NCAM1: variants seen among roughly 807,000 people sequenced by gnomAD.
The protein encoded by NCAM1 is antigen recognized by monoclonal antibody 5.1H11.
A neutral mutation model predicts 109.8 loss-of-function variants in NCAM1; 14 were observed. The ratio of observed to expected loss-of-function variants is 0.13; its 90% CI spans 0.08 to 0.20. The LOEUF (loss-of-function observed/expected upper bound fraction) is 0.20, where lower values mean the gene tolerates loss of function less well. Among genes scored for constraint, NCAM1 ranks in the 10% least tolerant of loss-of-function variants. NCAM1 has a pLI of 1.00. For synonymous variants in NCAM1, 418 were observed against 442.9 expected (o/e 0.94, Z 0.70); for missense variants, 774 against 1,109.9 (o/e 0.70, Z 4.30).
chr11:113,248,081 G>A (rs1945553734), intron 15 of NCAM1, among the ~76,000 whole-genome samples: 1 of 152,090 alleles, frequency 6.6e-6, no homozygotes, highest in Non-Finnish European at 1.5e-5. Context: ...ATGTTAATAA[G>A]GTAGACACTA....
At chr11:113,234,367 T>C (rs1213649756) in intron 13 of NCAM1, among the ~76,000 whole-genome samples, 1 of 152,138 alleles carries the variant, frequency 6.6e-6, no homozygotes, top group Non-Finnish European at 1.5e-5. Flanking sequence ...CATTAAGTTG[T>C]AACCATCACC....
chr11:113,177,086 G>A (rs1348280783), intron 1 of NCAM1, among the ~76,000 whole-genome samples: 1 of 152,224 alleles, frequency 6.6e-6, no homozygotes, highest in African/African-American at 2.4e-5. Flanking sequence ...TCATTGGCAA[G>A]ATCACAAAAT....
chr11:113,048,553 C>T (rs1953350010), intron 1 of NCAM1, among the ~76,000 whole-genome samples: 1 of 152,212 alleles, frequency 6.6e-6, no homozygotes, highest in Non-Finnish European at 1.5e-5. Flanking sequence ...ATGATCCATC[C>T]ATCTTGCGAG....
At chr11:113,020,133 G>A (rs1473429662) in intron 1 of NCAM1, among the ~76,000 whole-genome samples, 9 of 152,144 alleles carry the variant, frequency 5.9e-5, no homozygotes, top group Non-Finnish European at 1.2e-4. Context: ...TTACTTGTTC[G>A]CTGGTCCCTC....
In NCAM1 at chr11:113,277,294, G is replaced by T; in HGVS notation, c.*1907G>T. 1 of 399,032 alleles carries T rather than the reference G, an allele frequency of 2.5e-6. No homozygotes were observed. The highest frequency in any genetic ancestry group is 4.4e-6 in the Non-Finnish European group (1 of 226,068). 24.7% of individuals were successfully genotyped at this position (399,032 alleles called of 1,614,324 possible). A position where few individuals can be genotyped will look rare whatever the true frequency, so the allele number is the denominator to read the frequency against. On this transcript the variant is annotated 3_prime_UTR_variant, in exon 20 of 20. Transcript: ENST00000316851. Reference sequence around the variant, plus strand: ...ATGCTAGATTATAATTTCAAACTGTGAAGAATAATGGTCTTGTCATTTGCT... The same window carrying T: ...ATGCTAGATTATAATTTCAAACTGTTAAGAATAATGGTCTTGTCATTTGCT...
chr11:112,994,282 T>C (rs2134870827), intron 1 of NCAM1, among the ~76,000 whole-genome samples: 1 of 152,330 alleles, frequency 6.6e-6, no homozygotes, highest in African/African-American at 2.4e-5. Context: ...AATTTCCACA[T>C]TGTAACTGGA....
chr11:113,046,450 T>G (rs1953269386), intron 1 of NCAM1, among the ~76,000 whole-genome samples: 1 of 152,238 alleles, frequency 6.6e-6, no homozygotes, highest in Non-Finnish European at 1.5e-5. Flanking sequence ...TTCCCCTTTA[T>G]GTTTACAGAC....
intron 1 of NCAM1, among the ~76,000 whole-genome samples, chr11:113,093,239 C>G (rs1237610406): frequency 6.6e-6 from 1 of 152,132 alleles, no homozygotes; most frequent in Non-Finnish European, 1.5e-5. Flanking sequence ...GCCGTAAGGT[C>G]AAGCAGCCAG....
chr11:113,041,588 C>T lies in NCAM1; in HGVS notation c.52+79924C>T, dbSNP rs191934363. Among the ~76,000 whole-genome samples the T allele has an allele frequency of 3.6e-3, 543 of 152,266 alleles. 1 individual carries two copies. Among genetic ancestry groups the T allele is most frequent in the Non-Finnish European group, 4.1e-3 (276 of 68,028 alleles). On this transcript the variant is annotated intron_variant, in intron 1 of 19. Transcript: ENST00000316851. ...CAACTTGATGCGAACCAATGGTAGACCCGCTCATCAGGGTGTAATAGGAAC... is the reference window on the plus strand; with the variant it reads ...CAACTTGATGCGAACCAATGGTAGATCCGCTCATCAGGGTGTAATAGGAAC...
At chr11:113,000,848 A>G (rs1555072298) in intron 1 of NCAM1, among the ~76,000 whole-genome samples, 1 of 5,602 alleles carries the variant, frequency 1.8e-4, no homozygotes. Flanking sequence ...ATATATATAT[A>G]CACAAAAAAT....
intron 1 of NCAM1, among the ~76,000 whole-genome samples, chr11:112,990,972 T>C (rs1329641629): frequency 6.6e-6 from 1 of 152,196 alleles, no homozygotes; most frequent in Admixed American, 6.5e-5. Context: ...ACTTTTGCTG[T>C]AGAGGGCTCT....
intron 1 of NCAM1, among the ~76,000 whole-genome samples, chr11:112,977,082 G>C (rs1030143084): frequency 6.8e-6 from 1 of 147,900 alleles, no homozygotes; most frequent in Admixed American, 6.8e-5. Flanking sequence ...CCTAACAGCT[G>C]TATCAGATAA....
At chr11:113,239,892 C>T (rs936532969) in intron 14 of NCAM1, among the ~76,000 whole-genome samples, 4 of 152,144 alleles carry the variant, frequency 2.6e-5, no homozygotes, top group Non-Finnish European at 4.4e-5. Flanking sequence ...AAGGCAGTGG[C>T]GGAGATACAC....
intron 1 of NCAM1, among the ~76,000 whole-genome samples, chr11:113,187,887 C>T (rs1555109157): frequency 6.6e-6 from 1 of 152,186 alleles, no homozygotes; most frequent in Non-Finnish European, 1.5e-5. Context: ...CATTTAATAG[C>T]TTTCTATAAG....
intron 17 of NCAM1, 186 bp downstream of exon 17, chr11:113,260,509 C>A: frequency 1.7e-6 from 1 of 604,104 alleles, no homozygotes; most frequent in African/African-American, 1.9e-5. Flanking sequence ...TACTGGACCC[C>A]CAGGAAGGCT....
chr11:113,273,861 T>C lies in NCAM1; in HGVS notation c.2457-1406T>C. On this transcript the variant is annotated intron_variant, in intron 19 of 19. Transcript: ENST00000316851. The surrounding 1 kb of genome is among the most constrained non-coding windows in gnomAD (Gnocchi z 6.0). ...TCTTCAGCCTCATCCAGGGCTTCTC[T>C]GAGGCGACCGTCAACCAAGGGGCTG... The C allele has an allele frequency of 4.6e-6, 1 of 218,636 alleles. No individual in the cohort carries two copies. Among genetic ancestry groups the C allele is most frequent in the South Asian group, 4.8e-5 (1 of 20,720 alleles). The allele number at this position is 218,636 out of a possible 1,614,324, so 13.5% of individuals were successfully genotyped here. A position where few individuals can be genotyped will look rare whatever the true frequency, so the allele number is the denominator to read the frequency against.
chr11:113,155,846 C>CTT (rs1942390956), intron 1 of NCAM1, among the ~76,000 whole-genome samples: 1 of 152,072 alleles, frequency 6.6e-6, no homozygotes, highest in African/African-American at 2.4e-5. Context: ...CATTCCTCCA[C>CTT]TCTCCTCCCC....
intron 17 of NCAM1, among the ~76,000 whole-genome samples, chr11:113,268,931 G>A (rs1946203896): frequency 6.6e-6 from 1 of 152,172 alleles, no homozygotes; most frequent in Admixed American, 6.5e-5. Context: ...GGCTTCAGTT[G>A]GCCCTGAGAG....
At chr11:113,204,828 C>T (rs1469140913) in intron 3 of NCAM1, among the ~76,000 whole-genome samples, 1 of 152,212 alleles carries the variant, frequency 6.6e-6, no homozygotes, top group African/African-American at 2.4e-5. Context: ...TTATTTCCCT[C>T]TCCCCTGCTG....
Sources: allele counts gnomAD v4.1 joint callset (sites outside exome capture counted in the v4.1 genomes callset), GRCh38; gene constraint gnomAD v4.1.1; non-coding constraint Gnocchi (gnomAD v3.1); transcripts MANE v1.5; gene names NCBI Gene and HGNC (gene_info 2026-07-23, HGNC 2026-07-21).